Variants in STRN observed in about 807,000 individuals in gnomAD.
The protein encoded by STRN is protein phosphatase 2 regulatory subunit B'''alpha.
STRN carries 53 observed loss-of-function variants against 96.3 expected under a neutral mutation model. The ratio of observed to expected loss-of-function variants is 0.55; its 90% CI spans 0.44 to 0.69. The LOEUF is 0.69. Among genes scored for constraint, STRN ranks in the 30% least tolerant of loss-of-function variants. STRN has a pLI of 0.00. For missense variants in STRN, 987 were observed against 963.9 expected, an observed-to-expected ratio of 1.02 and a Z score of -0.32; for synonymous variants, 428 against 355.9, an observed-to-expected ratio of 1.20 and a Z score of -2.28.
At chr2:36,935,744 C>T (rs1003436367) in intron 1 of STRN, among the ~76,000 whole-genome samples, 2 of 152,026 alleles carry the variant, frequency 1.3e-5, no homozygotes, top group Non-Finnish European at 1.5e-5. Flanking sequence ...TGCAATACTG[C>T]GGTTATTCAA....
chr2:36,887,229 G>C (rs1271521094), intron 7 of STRN, among the ~76,000 whole-genome samples: 1 of 150,706 alleles, frequency 6.6e-6, no homozygotes, highest in Non-Finnish European at 1.5e-5. Context: ...AGGAGTTCAA[G>C]ACCAGCCTGA....
At chr2:36,964,370 C>A (rs1467112174) in intron 1 of STRN, among the ~76,000 whole-genome samples, 5 of 151,806 alleles carry the variant, frequency 3.3e-5, no homozygotes, top group Non-Finnish European at 7.4e-5. Flanking sequence ...TCATTCCCCA[C>A]AACTGCACAA....
At chr2:36,957,762 T>TTTG in intron 1 of STRN, among the ~76,000 whole-genome samples, 1 of 120,200 alleles carries the variant, frequency 8.3e-6, no homozygotes, top group Non-Finnish European at 1.8e-5. Context: ...TTTTTTTTTT[T>TTTG]TTTTTTTTTT....
chr2:36,909,949 G>C (rs1389872598), intron 3 of STRN, among the ~76,000 whole-genome samples: 1 of 152,138 alleles, frequency 6.6e-6, no homozygotes, highest in East Asian at 1.9e-4. Flanking sequence ...AAGGTGGGCA[G>C]ATCACCTGAG....
At chr2:36,865,531 T>C (rs1668598663) in intron 12 of STRN, among the ~76,000 whole-genome samples, 1 of 152,098 alleles carries the variant, frequency 6.6e-6, no homozygotes, top group South Asian at 2.1e-4. Context: ...GGTTGGTTTT[T>C]CTCTTGTGTG....
At chr2:36,934,847 T>C (rs1431471252) in intron 1 of STRN, among the ~76,000 whole-genome samples, 1 of 152,182 alleles carries the variant, frequency 6.6e-6, no homozygotes, top group Non-Finnish European at 1.5e-5. Flanking sequence ...GAAGCCTAGA[T>C]GGATGGATCA....
chr2:36,910,173 CAAA>C (rs146718686), intron 3 of STRN, among the ~76,000 whole-genome samples: 13 of 112,948 alleles, frequency 1.2e-4, no homozygotes, highest in African/African-American at 3.3e-4. Flanking sequence ...GACTTTGTCT[CAAA>C]AAAAAAAAAA....
chr2:36,943,455 C>G (rs1426526433), intron 1 of STRN, among the ~76,000 whole-genome samples: 1 of 151,668 alleles, frequency 6.6e-6, no homozygotes, highest in African/African-American at 2.4e-5. Flanking sequence ...TTACATTGTT[C>G]TAAGTATTAT....
rs549113059 is a variant in STRN at position 36,845,450 on chromosome 2, G to A, written c.*4006C>T. On this transcript the variant is annotated 3_prime_UTR_variant, in exon 18 of 18. Transcript: ENST00000263918. ...CAATGACAAAGAGGTAGATATGAGA[G>A]ATGCTTTTTAAATATTTTAAGACTA... The A allele has an allele frequency of 7.2e-5, 11 of 152,050 alleles. No individual in the cohort carries two copies. The highest frequency in any genetic ancestry group is 1.3e-4 in the Non-Finnish European group (9 of 68,004). 9.4% of individuals were successfully genotyped at this position (152,050 alleles called of 1,614,324 possible).
At chr2:36,947,276 A>G (rs1664599560) in intron 1 of STRN, among the ~76,000 whole-genome samples, 2 of 152,172 alleles carry the variant, frequency 1.3e-5, no homozygotes, top group Admixed American at 1.3e-4. Flanking sequence ...AACTTTTACT[A>G]ATAACTACCT....
chr2:36,957,757 T>TTTG (rs1558670025), intron 1 of STRN, among the ~76,000 whole-genome samples: 3 of 111,816 alleles, frequency 2.7e-5, no homozygotes, highest in Non-Finnish European at 3.9e-5. Context: ...TTTTTTTTTT[T>TTTG]TTTTTTTTTT....
intron 9 of STRN, among the ~76,000 whole-genome samples, chr2:36,881,118 CTTTTTTTTTTTTTTTTT>C (rs3081783): frequency 1.8e-4 from 14 of 78,996 alleles, no homozygotes; most frequent in African/African-American, 5.8e-4. Flanking sequence ...ACACTGCCTT[CTTTTTTTTTTTTTTTTT>C]TTTTTTTTTT....
At chr2:36,860,091 C>T (rs980742351) in intron 13 of STRN, among the ~76,000 whole-genome samples, 1 of 152,010 alleles carries the variant, frequency 6.6e-6, no homozygotes, top group South Asian at 2.1e-4. Context: ...GGAAGATACC[C>T]GAATTTACTT....
chr2:36,867,764 G>A, intron 12 of STRN, 50 bp downstream of exon 12: 2 of 1,227,918 alleles, frequency 1.6e-6, no homozygotes, highest in Non-Finnish European at 2.2e-6. Flanking sequence ...TCCTAACCAG[G>A]CTATTTTACA....
intron 2 of STRN, among the ~76,000 whole-genome samples, chr2:36,922,312 A>T (rs1395586809): frequency 6.6e-6 from 1 of 152,098 alleles, no homozygotes. Context: ...TGAGCCCAGG[A>T]GGTCCAGACC....
Position 36,839,117 on chromosome 2 carries a change from G to T in STRN, c.*10339C>A, listed in dbSNP as rs1329385384. On this transcript the variant is annotated 3_prime_UTR_variant, in exon 18 of 18. Transcript: ENST00000263918. ...ATATCAGGGAGGTAGGAATGAAGGGGTATGATGGGACATGCTTCGTTTTGC... is the reference window on the plus strand; with the variant it reads ...ATATCAGGGAGGTAGGAATGAAGGGTTATGATGGGACATGCTTCGTTTTGC... 1.3e-5 allele frequency among the ~76,000 whole-genome samples: 2 copies of T among 152,200 alleles called. No individual in the cohort carries two copies. Among genetic ancestry groups the T allele is most frequent in the Non-Finnish European group, 2.9e-5 (2 of 68,026 alleles).
At chr2:36,948,276 A>G (rs1406502956) in intron 1 of STRN, among the ~76,000 whole-genome samples, 1 of 150,902 alleles carries the variant, frequency 6.6e-6, no homozygotes, top group African/African-American at 2.4e-5. Flanking sequence ...TAATTTTTGT[A>G]CTTTAGTAGA....
intron 9 of STRN, among the ~76,000 whole-genome samples, chr2:36,881,004 T>TA (rs1349343196): frequency 1.3e-5 from 2 of 152,028 alleles, no homozygotes; most frequent in Non-Finnish European, 2.9e-5. Context: ...CCTTAGAACT[T>TA]AAGACTATAG....
intron 9 of STRN, among the ~76,000 whole-genome samples, chr2:36,880,377 C>T (rs1012601754): frequency 1.3e-5 from 2 of 152,114 alleles, no homozygotes; most frequent in African/African-American, 4.8e-5. Context: ...GAGTTTGAGG[C>T]TACAGTGAGC....
Sources: gnomAD v4.1 joint callset for allele counts (sites outside exome capture counted in the v4.1 genomes callset) on GRCh38, gnomAD v4.1.1 for gene constraint, MANE v1.5 for transcripts, NCBI Gene and HGNC (gene_info 2026-07-23, HGNC 2026-07-21) for gene names.